Variants in ABCA5 observed in about 807,000 individuals in gnomAD.
The protein encoded by ABCA5 is cholesterol transporter ABCA5.
In ABCA5, 163 loss-of-function variants were observed where a neutral mutation model predicts 206.0. That is an observed-to-expected ratio of 0.79 (90% CI 0.70 to 0.90). The LOEUF (loss-of-function observed/expected upper bound fraction) is 0.90, where lower values mean the gene tolerates loss of function less well. Ranked by LOEUF, ABCA5 falls within the 40% of genes least tolerant of loss-of-function variation. The probability of loss-of-function intolerance (pLI) is 0.00; values close to 1 mark genes in which losing one functional copy is unlikely to be tolerated. For missense variants in ABCA5, 1,859 were observed against 1,912.9 expected (o/e 0.97, Z 0.53); for synonymous variants, 609 against 613.8 (o/e 0.99, Z 0.11).
intron 18 of ABCA5, among the ~76,000 whole-genome samples, chr17:69,281,596 G>A (rs1198758163): frequency 6.6e-6 from 1 of 152,050 alleles, no homozygotes; most frequent in African/African-American, 2.4e-5. Flanking sequence ...GAAAAATTAA[G>A]AACTCAAAAA....
At chr17:69,271,642 T>A (rs1221179795) in intron 20 of ABCA5, among the ~76,000 whole-genome samples, 1 of 149,070 alleles carries the variant, frequency 6.7e-6, no homozygotes, top group East Asian at 2.0e-4. Context: ...ATATTTTAGC[T>A]GCTGCTGCTG....
chr17:69,300,534 A>G (rs1480309470), intron 9 of ABCA5, among the ~76,000 whole-genome samples: 1 of 152,192 alleles, frequency 6.6e-6, no homozygotes, highest in African/African-American at 2.4e-5. Flanking sequence ...TTAGTAACTA[A>G]CAGCCATATA....
chr17:69,250,005 T>C (rs1555668109), intron 36 of ABCA5, 21 bp from the exon 37 acceptor site: 14 of 1,409,358 alleles, frequency 9.9e-6, no homozygotes, highest in South Asian at 1.6e-5. Context: ...AGATAAAATA[T>C]GGAAAAAAAT....
At chr17:69,283,048 G>A (rs1158143230) in intron 18 of ABCA5, among the ~76,000 whole-genome samples, 1 of 141,930 alleles carries the variant, frequency 7.0e-6, no homozygotes, top group Non-Finnish European at 1.5e-5. Context: ...GTGCAGTGGT[G>A]CAATCATGGC....
chr17:69,287,992 TAAC>T (rs1287312453), intron 14 of ABCA5, among the ~76,000 whole-genome samples: 1 of 152,174 alleles, frequency 6.6e-6, no homozygotes, highest in Non-Finnish European at 1.5e-5. Context: ...GACAAAAGTA[TAAC>T]AACAGTCAGA....
At chr17:69,324,521 T>A (rs1014904134) in intron 1 of ABCA5, among the ~76,000 whole-genome samples, 1 of 152,218 alleles carries the variant, frequency 6.6e-6, no homozygotes, top group African/African-American at 2.4e-5. Context: ...CACTCATATC[T>A]TTCCTCTACT....
intron 18 of ABCA5, among the ~76,000 whole-genome samples, chr17:69,282,494 G>A (rs892300428): frequency 2.0e-5 from 3 of 152,104 alleles, no homozygotes; most frequent in Non-Finnish European, 4.4e-5. Context: ...GCCTCGGCCG[G>A]GCGCAGTGGC....
intron 23 of ABCA5, among the ~76,000 whole-genome samples, chr17:69,266,002 C>T (rs1246947643): frequency 1.3e-5 from 2 of 152,050 alleles, no homozygotes; most frequent in African/African-American, 4.8e-5. Flanking sequence ...TTTACAAAAG[C>T]CAAAAACGGA....
intron 2 of ABCA5, among the ~76,000 whole-genome samples, chr17:69,313,548 T>A (rs1469583010): frequency 2.0e-5 from 3 of 152,024 alleles, no homozygotes; most frequent in African/African-American, 7.2e-5. Context: ...CAAAATAAAT[T>A]AAGGTGACAT....
Position 69,244,372 on chromosome 17 carries a change from C to T in ABCA5, c.*3165G>A, listed in dbSNP as rs2074927806. 6.6e-6 allele frequency: 1 copy of T among 151,922 alleles called. No individual in the cohort carries two copies. Among genetic ancestry groups the T allele is most frequent in the Non-Finnish European group, 1.5e-5 (1 of 67,918 alleles). The allele number at this position is 151,922 out of a possible 1,614,324, so 9.4% of individuals were successfully genotyped here. A position where few individuals can be genotyped will look rare whatever the true frequency, so the allele number is the denominator to read the frequency against. On this transcript the variant is annotated 3_prime_UTR_variant, in exon 39 of 39. Coordinates refer to ENST00000392676, the MANE Select transcript of ABCA5 (RefSeq NM_172232.4). Reference sequence around the variant, plus strand: ...GCTACTCATTATTCAATTATCAGCACTAAATAACAAAGAATTCACTTCAGT... The same window carrying T: ...GCTACTCATTATTCAATTATCAGCATTAAATAACAAAGAATTCACTTCAGT...
chr17:69,249,192 C>T (rs2074985040), intron 37 of ABCA5: 1 of 152,152 alleles, frequency 6.6e-6, no homozygotes, highest in Admixed American at 6.5e-5. Context: ...AAAGAACAAT[C>T]ATAAAAATCC....
intron 30 of ABCA5, 21 bp downstream of exon 30, chr17:69,255,712 A>C: frequency 1.3e-6 from 2 of 1,579,920 alleles, no homozygotes; most frequent in Non-Finnish European, 1.7e-6. Flanking sequence ...AAAGTTATGT[A>C]AGGAAAAATT....
At chr17:69,301,682 G>A (rs2145010650) in intron 8 of ABCA5, among the ~76,000 whole-genome samples, 1 of 152,202 alleles carries the variant, frequency 6.6e-6, no homozygotes, top group South Asian at 2.1e-4. Flanking sequence ...ATAAAATTAG[G>A]TTAGCATCTT....
intron 4 of ABCA5, 51 bp downstream of exon 4, chr17:69,309,211 A>C: frequency 7.1e-7 from 1 of 1,406,794 alleles, no homozygotes. Context: ...AACTGCAAGC[A>C]GCAAAGATAT....
intron 11 of ABCA5, among the ~76,000 whole-genome samples, chr17:69,294,271 C>G (rs1022089176): frequency 5.3e-5 from 8 of 152,160 alleles, no homozygotes; most frequent in Middle Eastern, 3.4e-3. Flanking sequence ...GCCTGTAATT[C>G]CAGCACTTTA....
Position 69,284,089 on chromosome 17 carries a change from A to T in ABCA5, c.2273-17T>A. ...AAAACAAACCTAAAAGAAAAAAATG[A>T]AAGAATAGTATATCTTTAAGCATAT... On this transcript the variant is annotated splice_polypyrimidine_tract_variant and intron_variant, in intron 17 of 38. Coordinates refer to ENST00000392676, the MANE Select transcript of ABCA5 (RefSeq NM_172232.4). The T allele has an allele frequency of 6.6e-7, 1 of 1,524,564 alleles. No homozygotes were observed. Among genetic ancestry groups the T allele is most frequent in the East Asian group, 2.4e-5 (1 of 40,892 alleles). 94.4% of individuals were successfully genotyped at this position (1,524,564 alleles called of 1,614,324 possible).
intron 24 of ABCA5, among the ~76,000 whole-genome samples, chr17:69,263,158 G>T (rs186150750): frequency 2.6e-5 from 4 of 152,112 alleles, no homozygotes; most frequent in Non-Finnish European, 5.9e-5. Flanking sequence ...TGCATAGTTT[G>T]TATTTTCTCC....
chr17:69,277,458 AAGAC>A (rs1408111564), intron 19 of ABCA5, among the ~76,000 whole-genome samples, 179 bp downstream of exon 19: 3 of 152,218 alleles, frequency 2.0e-5, no homozygotes, highest in African/African-American at 4.8e-5. Context: ...TAAAAAGTGT[AAGAC>A]AGGGTATTCG....
chr17:69,291,561 T>A (rs1184236668), intron 11 of ABCA5, among the ~76,000 whole-genome samples: 1 of 152,192 alleles, frequency 6.6e-6, no homozygotes, highest in South Asian at 2.1e-4. Flanking sequence ...TTTAAGAGTA[T>A]ACAAAATATT....
Sources: gnomAD v4.1 joint callset for allele counts (sites outside exome capture counted in the v4.1 genomes callset) on GRCh38, gnomAD v4.1.1 for gene constraint, MANE v1.5 for transcripts, NCBI Gene and HGNC (gene_info 2026-07-23, HGNC 2026-07-21) for gene names.